CACNA1B: variants seen among roughly 807,000 people sequenced by gnomAD.
CACNA1B encodes calcium voltage-gated channel subunit alpha1 B, also known as voltage-dependent N-type calcium channel subunit alpha-1B.
Under a neutral mutation model 247.2 loss-of-function variants are expected in CACNA1B, and 70 were observed. The observed-to-expected ratio is 0.28, with a 90% CI of 0.23 to 0.35. The LOEUF is 0.35. CACNA1B is among the 10% of genes least tolerant of loss of function. The pLI is 1.00. For synonymous variants in CACNA1B, 1,231 were observed against 1,294.4 expected (o/e 0.95, Z 1.05); for missense variants, 2,367 against 3,197.4 (o/e 0.74, Z 6.26).
rs1449545356 is a variant in CACNA1B at position 138,023,527 on chromosome 9, C to T, written c.2784C>T (p.Ala928=). ...GGCGCGGCTCCCCGGAGGAGGCGGC[C>T]GAGCGGGAGCCCCGACGCCACCGCG... ...HHRRGSPEEA[A]EREPRRHRAH... is the part of the protein sequence containing the mutation. The change falls in exon 19 of 47, where the codon GCC becomes GCT. Residue 928 remains alanine (A), a synonymous_variant. Coordinates refer to ENST00000371372, the MANE Select transcript of CACNA1B (RefSeq NM_000718.4). 1 of 1,075,644 alleles carries T rather than the reference C, an allele frequency of 9.3e-7. No individual in the cohort carries two copies. Among genetic ancestry groups the T allele is most frequent in the Non-Finnish European group, 1.1e-6 (1 of 888,866 alleles). The allele number at this position is 1,075,644 out of a possible 1,614,324, so 66.6% of individuals were successfully genotyped here.
chr9:138,112,549 G>C (rs1384077463), intron 40 of CACNA1B, 44 bp downstream of exon 40: 1 of 1,300,828 alleles, frequency 7.7e-7, no homozygotes, highest in South Asian at 1.2e-5. Flanking sequence ...CACCTTTACT[G>C]TCCCACCCAG....
chr9:137,980,400 G>T (rs911296094), intron 12 of CACNA1B, among the ~76,000 whole-genome samples: 2 of 152,238 alleles, frequency 1.3e-5, no homozygotes, highest in Non-Finnish European at 2.9e-5. Flanking sequence ...GAGCCTGAAA[G>T]TGTGGCTGAG....
At position 138,054,990 on chromosome 9, in the gene CACNA1B, G is replaced by A. The variant is rs1003706846; in HGVS notation, c.3968+984G>A. On this transcript the variant is annotated intron_variant, in intron 26 of 46. Coordinates refer to ENST00000371372, the MANE Select transcript of CACNA1B (RefSeq NM_000718.4). This position sits in a 1 kb window ranked among gnomAD's most constrained non-coding sequence, Gnocchi z 4.6. ...GTCTGCTGTCTGCCTCTTTCCTGTC[G>A]GTTACTAGGAATCATGTAATGTTCT... Among the ~76,000 whole-genome samples the A allele has an allele frequency of 3.3e-5, 5 of 152,040 alleles. No individual in the cohort carries two copies. Among genetic ancestry groups the A allele is most frequent in the Non-Finnish European group, 5.9e-5 (4 of 68,006 alleles).
At chr9:137,940,307 C>T (rs908042730) in intron 6 of CACNA1B, among the ~76,000 whole-genome samples, 8 of 152,116 alleles carry the variant, frequency 5.3e-5, no homozygotes, top group African/African-American at 1.7e-4. Context: ...CCCATGTAAA[C>T]TAGAAAACCT....
chr9:138,108,397 A>G (rs192388149), intron 39 of CACNA1B, among the ~76,000 whole-genome samples: 38 of 152,188 alleles, frequency 2.5e-4, no homozygotes, highest in Admixed American at 2.2e-3. Flanking sequence ...CTTCCAAGAA[A>G]GACAATCCCA....
At chr9:137,947,866 G>C (rs1345051016) in intron 6 of CACNA1B, among the ~76,000 whole-genome samples, 1 of 150,176 alleles carries the variant, frequency 6.7e-6, no homozygotes, top group African/African-American at 2.5e-5. Flanking sequence ...TTTTTTCTTT[G>C]TCTTTAGTTT....
rs2133283993 is a variant in CACNA1B at position 137,917,759 on chromosome 9, A to G, written c.966+328A>G. ...TGTTTCTGTTGGCAAGGACGATAGTAGCACTGCTAGCTGCTCTGGGTTAGG... is the reference window on the plus strand; with the variant it reads ...TGTTTCTGTTGGCAAGGACGATAGTGGCACTGCTAGCTGCTCTGGGTTAGG... On this transcript the variant is annotated intron_variant, in intron 6 of 46. Coordinates refer to ENST00000371372, the MANE Select transcript of CACNA1B (RefSeq NM_000718.4). The surrounding 1 kb of genome is among the most constrained non-coding windows in gnomAD (Gnocchi z 5.5). Among the ~76,000 whole-genome samples the G allele has an allele frequency of 6.6e-6, 1 of 152,362 alleles. No individual in the cohort carries two copies. Among genetic ancestry groups the G allele is most frequent in the South Asian group, 2.1e-4 (1 of 4,830 alleles).
chr9:137,894,294 GTC>G (rs1267617554), intron 3 of CACNA1B, among the ~76,000 whole-genome samples: 1 of 140,996 alleles, frequency 7.1e-6, no homozygotes, highest in Non-Finnish European at 1.5e-5. Flanking sequence ...CACGGGGGTT[GTC>G]TCTGTATTTT....
intron 40 of CACNA1B, among the ~76,000 whole-genome samples, chr9:138,113,414 G>C (rs1006631432): frequency 6.6e-6 from 1 of 150,930 alleles, no homozygotes; most frequent in Admixed American, 6.6e-5. Context: ...TGGGATACGT[G>C]AGGGAACACA....
rs562907048 is a variant in CACNA1B at position 138,022,810 on chromosome 9, G to GC, written c.2268-201_2268-200insC. Among the ~76,000 whole-genome samples the GC allele has an allele frequency of 3.2e-4, 43 of 134,626 alleles. No individual in the cohort carries two copies. In the South Asian group the frequency reaches 7.7e-3, roughly 24 times the overall value. The allele number at this position is 134,626 out of a possible 152,430, so 88.3% of individuals were successfully genotyped here. ...GCGGGTCCTGTGGGACACCGTGGGGGGGGGGGGCGGCGGGGCTGAATTCGG... is the reference window on the plus strand; with the variant it reads ...GCGGGTCCTGTGGGACACCGTGGGGGCGGGGGGGCGGCGGGGCTGAATTCGG... On this transcript the variant is annotated intron_variant, in intron 18 of 46. Coordinates refer to ENST00000371372, the MANE Select transcript of CACNA1B (RefSeq NM_000718.4).
intron 36 of CACNA1B, among the ~76,000 whole-genome samples, chr9:138,088,050 A>G (rs1407706603): frequency 6.6e-6 from 1 of 152,146 alleles, no homozygotes; most frequent in East Asian, 1.9e-4. Flanking sequence ...CAATATTGAG[A>G]TGAAAACATT....
chr9:137,933,304 G>A (rs1957628681), intron 6 of CACNA1B, among the ~76,000 whole-genome samples: 1 of 152,096 alleles, frequency 6.6e-6, no homozygotes, highest in African/African-American at 2.4e-5. Flanking sequence ...GCCCGCCTTG[G>A]CCTCCCAAAG....
intron 3 of CACNA1B, among the ~76,000 whole-genome samples, chr9:137,892,917 A>G (rs1054500787): frequency 6.6e-6 from 1 of 152,194 alleles, no homozygotes; most frequent in Non-Finnish European, 1.5e-5. Context: ...CATGCATCAG[A>G]GGTGCGTGGG....
intron 3 of CACNA1B, among the ~76,000 whole-genome samples, chr9:137,893,549 G>A (rs13301288): frequency 7.0e-4 from 106 of 151,660 alleles, no homozygotes; most frequent in Admixed American, 1.4e-3. Context: ...TACTCAGGGG[G>A]CTGAGGCAGG....
chr9:137,921,252 ACGACCACACAG>A (rs1957473798), intron 6 of CACNA1B, among the ~76,000 whole-genome samples: 1 of 152,268 alleles, frequency 6.6e-6, no homozygotes. Context: ...GAAAAACACC[ACGACCACACAG>A]CATCCCGGGA....
At chr9:138,062,079 C>T (rs1455980359) in intron 31 of CACNA1B, among the ~76,000 whole-genome samples, 1 of 152,174 alleles carries the variant, frequency 6.6e-6, no homozygotes, top group Non-Finnish European at 1.5e-5. Flanking sequence ...AAGGCCTGTA[C>T]CCCATGCCTG....
chr9:137,990,201 TC>T lies in CACNA1B; in HGVS notation c.1974+3349del, dbSNP rs1329177533. Among the ~76,000 whole-genome samples the T allele has an allele frequency of 6.6e-6, 1 of 152,076 alleles. No individual in the cohort carries two copies. The highest frequency in any genetic ancestry group is 2.4e-5 in the African/African-American group (1 of 41,358). ...TGTGACTGCTGGCTTTCTCCCACTT[TC>T]CTGGAGGACCTGTATGACTAATGGC... On this transcript the variant is annotated intron_variant, in intron 15 of 46. Transcript: ENST00000371372. The surrounding 1 kb of genome is among the most constrained non-coding windows in gnomAD (Gnocchi z 4.5).
chr9:138,042,430 G>A lies in CACNA1B; in HGVS notation c.3287-1344G>A, dbSNP rs1004831148. On this transcript the variant is annotated intron_variant, in intron 20 of 46. Transcript: ENST00000371372. ...GTACTTCAGCCTGGGCAACAAGAGCGAAACTGTGTCTCCTGTCTCAAATTA... is the reference window on the plus strand; with the variant it reads ...GTACTTCAGCCTGGGCAACAAGAGCAAAACTGTGTCTCCTGTCTCAAATTA... Among the ~76,000 whole-genome samples, 5 of 152,022 alleles carry A rather than the reference G, an allele frequency of 3.3e-5. 1 individual carries two copies. Among genetic ancestry groups the A allele is most frequent in the South Asian group, 4.2e-4 (2 of 4,816 alleles).
rs764870706 is a variant in CACNA1B, at chr9:138,120,807, C to T, written c.6415C>T (p.Pro2139Ser). The T allele has an allele frequency of 6.4e-7, 1 of 1,561,262 alleles. No homozygotes were observed. The highest frequency in any genetic ancestry group is 1.2e-5 in the South Asian group (1 of 84,728). The change falls in exon 46 of 47, where the codon CCG becomes TCG. Residue 2139 changes from proline (P) to serine (S), a missense_variant. Coordinates refer to ENST00000371372, the MANE Select transcript of CACNA1B (RefSeq NM_000718.4). ...CGACCGCTTTGGGGGCCGTGAGCCC[C>T]CGAAGCCCAAGCCCTCCCTCAGCAG... ...SCDRFGGREP[P>S]KPKPSLSSHP...
Sources: allele counts gnomAD v4.1 joint callset (sites outside exome capture counted in the v4.1 genomes callset), GRCh38; gene constraint gnomAD v4.1.1; non-coding constraint Gnocchi (gnomAD v3.1); transcripts MANE v1.5; gene names NCBI Gene and HGNC (gene_info 2026-07-23, HGNC 2026-07-21).